Variants in CD58 observed in about 807,000 individuals in gnomAD.
CD58 encodes the protein lymphocyte function-associated antigen 3.
A neutral mutation model predicts 27.6 loss-of-function variants in CD58; 14 were observed. That is an observed-to-expected ratio of 0.51 (90% CI 0.34 to 0.79). The LOEUF is 0.79. Among genes scored for constraint, CD58 ranks in the 30% least tolerant of loss-of-function variants. The pLI, the probability that CD58 is intolerant of heterozygous loss-of-function variation, is 0.02. For missense variants in CD58, 268 were observed against 301.7 expected, an observed-to-expected ratio of 0.89 and a Z score of 0.83; for synonymous variants, 117 against 103.8, an observed-to-expected ratio of 1.13 and a Z score of -0.77.
At chr1:116,544,754 A>C (rs956836647) in intron 1 of CD58, 150 bp from the exon 2 acceptor site, 1 of 601,528 alleles carries the variant, frequency 1.7e-6, no homozygotes. Context: ...CTTACTCTTT[A>C]ATAGAAAACT....
At chr1:116,545,899 G>A (rs1205498766) in intron 1 of CD58, among the ~76,000 whole-genome samples, 1 of 152,206 alleles carries the variant, frequency 6.6e-6, no homozygotes, top group African/African-American at 2.4e-5. Flanking sequence ...AACAGCAGCT[G>A]GGTCCTGTGG....
rs552794510 is a variant in CD58, at chr1:116,562,467, C to T, written c.70+8436G>A. On this transcript the variant is annotated intron_variant, in intron 1 of 5. Coordinates refer to ENST00000369489, the MANE Select transcript of CD58 (RefSeq NM_001779.3). ...CCTCCTGAGTAGCTGGGACTACAGG[C>T]GTGCACCACCACACCTGGCTAACTT... Among the ~76,000 whole-genome samples, 9 of 152,254 alleles carry T rather than the reference C, an allele frequency of 5.9e-5. No individual in the cohort carries two copies. The South Asian group carries it at 1.0e-3, about 18-fold the overall frequency.
At position 116,534,099 on chromosome 1, in the gene CD58, GT is replaced by G; in HGVS notation, c.628+1865del. 2 of 784,252 alleles carry G rather than the reference GT, an allele frequency of 2.6e-6. No individual in the cohort carries two copies. The highest frequency in any genetic ancestry group is 2.3e-6 in the Non-Finnish European group (1 of 440,546). The allele number at this position is 784,252 out of a possible 1,614,324, so 48.6% of individuals were successfully genotyped here. On this transcript the variant is annotated intron_variant, in intron 3 of 5. Transcript: ENST00000369489. The surrounding 1 kb of genome is among the most constrained non-coding windows in gnomAD (Gnocchi z 5.3). ...AAAAACTGTTATCTGCCATCTGAAT[GT>G]TTTTATCCCCTTGTCTGGTAAACCA...
rs1458100273 is a variant in CD58 at position 116,557,405 on chromosome 1, C to T, written c.71-12801G>A. ...TCATCACCAAAGCAAGATGGGAGGACCTGCGGGCTCCACCTTCCCAACTCC... is the reference window on the plus strand; with the variant it reads ...TCATCACCAAAGCAAGATGGGAGGATCTGCGGGCTCCACCTTCCCAACTCC... On this transcript the variant is annotated intron_variant, in intron 1 of 5. Transcript: ENST00000369489. The surrounding 1 kb of genome is among the most constrained non-coding windows in gnomAD (Gnocchi z 5.2). 6.6e-6 allele frequency among the ~76,000 whole-genome samples: 1 copy of T among 152,160 alleles called. No individual in the cohort carries two copies. Among genetic ancestry groups the T allele is most frequent in the Non-Finnish European group, 1.5e-5 (1 of 68,034 alleles).
In CD58 at chr1:116,557,597, ATTTCTTTCT is replaced by A. The variant is rs745932684; in HGVS notation, c.71-13002_71-12994del. ...TGGTTTGAGGAGGTTCACTGATGTC[ATTTCTTTCT>A]TTTCTTTCTTTTTATTTTTCTCTTT... On this transcript the variant is annotated intron_variant, in intron 1 of 5. Coordinates refer to ENST00000369489, the MANE Select transcript of CD58 (RefSeq NM_001779.3). This position sits in a 1 kb window ranked among gnomAD's most constrained non-coding sequence, Gnocchi z 5.2. 6.6e-6 allele frequency among the ~76,000 whole-genome samples: 1 copy of A among 151,948 alleles called. No homozygotes were observed. The highest frequency in any genetic ancestry group is 1.5e-5 in the Non-Finnish European group (1 of 67,972).
Position 116,521,867 on chromosome 1 carries a change from C to T in CD58, c.706+39G>A. On this transcript the variant is annotated intron_variant, in intron 4 of 5. Coordinates refer to ENST00000369489, the MANE Select transcript of CD58 (RefSeq NM_001779.3). The surrounding 1 kb of genome is among the most constrained non-coding windows in gnomAD (Gnocchi z 5.6). ...ATTTTCTGACCTTTGGAAAACAATGCAAGTTTTCAAACTATTTTGTTTTAA... is the reference window on the plus strand; with the variant it reads ...ATTTTCTGACCTTTGGAAAACAATGTAAGTTTTCAAACTATTTTGTTTTAA... 1 of 1,087,386 alleles carries T rather than the reference C, an allele frequency of 9.2e-7. No homozygotes were observed. The highest frequency in any genetic ancestry group is 1.4e-6 in the Non-Finnish European group (1 of 716,178). The allele number at this position is 1,087,386 out of a possible 1,614,324, so 67.4% of individuals were successfully genotyped here.
chr1:116,530,165 AC>A (rs984734452), intron 3 of CD58, among the ~76,000 whole-genome samples: 3 of 151,476 alleles, frequency 2.0e-5, no homozygotes, highest in African/African-American at 7.3e-5. Context: ...TACTTAAGTG[AC>A]CCTGGGCAAG....
Position 116,541,476 on chromosome 1 carries a change from T to C in CD58, c.364+2835A>G, listed in dbSNP as rs757491821. ...GAAAGTTCCACACAGATGAGTGACATGATCTGACTTCTGTTTTAAAAAGAT... is the reference window on the plus strand; with the variant it reads ...GAAAGTTCCACACAGATGAGTGACACGATCTGACTTCTGTTTTAAAAAGAT... On this transcript the variant is annotated intron_variant, in intron 2 of 5. Transcript: ENST00000369489. This position sits in a 1 kb window ranked among gnomAD's most constrained non-coding sequence, Gnocchi z 5.3. Among the ~76,000 whole-genome samples, 28 of 152,242 alleles carry C rather than the reference T, an allele frequency of 1.8e-4. No individual in the cohort carries two copies. Among genetic ancestry groups the C allele is most frequent in the Non-Finnish European group, 3.4e-4 (23 of 68,044 alleles).
chr1:116,547,059 T>C lies in CD58; in HGVS notation c.71-2455A>G, dbSNP rs141751936. Among the ~76,000 whole-genome samples the C allele has an allele frequency of 1.1e-3, 168 of 149,908 alleles. 1 individual carries two copies. The highest frequency in any genetic ancestry group is 3.7e-3 in the African/African-American group (152 of 41,208). ...GGGGAACAGGTGATGTTTGGTTACA[T>C]GGATAAGTTTTTTTTTTTTTTTTAG... is the stretch of plus-strand genomic sequence containing the variant. On this transcript the variant is annotated intron_variant, in intron 1 of 5. Coordinates refer to ENST00000369489, the MANE Select transcript of CD58 (RefSeq NM_001779.3).
At chr1:116,548,356 G>T (rs1329256492) in intron 1 of CD58, among the ~76,000 whole-genome samples, 1 of 14,628 alleles carries the variant, frequency 6.8e-5, no homozygotes, top group East Asian at 1.7e-3. Context: ...TGGGTTCTTG[G>T]TCATGACCTT....
At chr1:116,565,688 G>T (rs1658906020) in intron 1 of CD58, among the ~76,000 whole-genome samples, 1 of 150,086 alleles carries the variant, frequency 6.7e-6, no homozygotes, top group African/African-American at 2.4e-5. Flanking sequence ...AAAAAAAAAA[G>T]AATCCAAATA....
At chr1:116,544,063 T>A (rs897388454) in intron 2 of CD58, among the ~76,000 whole-genome samples, 6 of 152,166 alleles carry the variant, frequency 3.9e-5, no homozygotes, top group African/African-American at 1.4e-4. Flanking sequence ...CTACATCTCT[T>A]TCCAAAACAT....
intron 1 of CD58, among the ~76,000 whole-genome samples, chr1:116,549,845 G>A (rs146324756): frequency 3.5e-4 from 53 of 152,254 alleles, no homozygotes; most frequent in African/African-American, 1.2e-3. Context: ...TGAAGATACC[G>A]TGGGTTTGGT....
intron 1 of CD58, among the ~76,000 whole-genome samples, chr1:116,555,888 C>CTTT (rs75923240): frequency 4.7e-5 from 7 of 147,880 alleles, no homozygotes; most frequent in African/African-American, 1.7e-4. Context: ...TTGACTGGTA[C>CTTT]TTTTTTTTTT....
chr1:116,554,340 A>G (rs1004688382), intron 1 of CD58, among the ~76,000 whole-genome samples: 1 of 152,124 alleles, frequency 6.6e-6, no homozygotes, highest in Non-Finnish European at 1.5e-5. Flanking sequence ...ATTTCTTAAT[A>G]TTAAAAATAA....
chr1:116,554,018 AT>A (rs1269664254), intron 1 of CD58, among the ~76,000 whole-genome samples: 1 of 152,228 alleles, frequency 6.6e-6, no homozygotes, highest in East Asian at 1.9e-4. Context: ...GAAAATTCAA[AT>A]GTAAGCAGAA....
In CD58 at chr1:116,515,422, C is replaced by T. The variant is rs1007839731; in HGVS notation, c.744-600G>A. 1.3e-5 allele frequency among the ~76,000 whole-genome samples: 2 copies of T among 152,296 alleles called. No homozygotes were observed. Among genetic ancestry groups the T allele is most frequent in the African/African-American group, 4.8e-5 (2 of 41,562 alleles). ...CCAAACATTTGTATCTCATTGGTAA[C>T]AAGAATTCATGAGAAATTAGTGCTG... On this transcript the variant is annotated intron_variant, in intron 5 of 5. Coordinates refer to ENST00000369489, the MANE Select transcript of CD58 (RefSeq NM_001779.3). This position sits in a 1 kb window ranked among gnomAD's most constrained non-coding sequence, Gnocchi z 4.6.
At chr1:116,539,490 C>T (rs563441316) in intron 2 of CD58, among the ~76,000 whole-genome samples, 89 of 151,744 alleles carry the variant, frequency 5.9e-4, no homozygotes, top group African/African-American at 2.0e-3. Flanking sequence ...TGACTGAGTG[C>T]CACATGCAGG....
At chr1:116,520,491 T>G (rs1657231621) in intron 4 of CD58, among the ~76,000 whole-genome samples, 1 of 151,926 alleles carries the variant, frequency 6.6e-6, no homozygotes, top group Non-Finnish European at 1.5e-5. Context: ...GGAGTAATTT[T>G]CTGTATATTG....
Sources: gnomAD v4.1 joint callset for allele counts (sites outside exome capture counted in the v4.1 genomes callset) on GRCh38, gnomAD v4.1.1 for gene constraint, Gnocchi (gnomAD v3.1) non-coding constraint, MANE v1.5 for transcripts, NCBI Gene and HGNC (gene_info 2026-07-23, HGNC 2026-07-21) for gene names.